Variants in CRACDL observed in about 807,000 individuals in gnomAD.
The protein encoded by CRACDL is CRACD like, also known as CRACD-like protein.
In CRACDL, 26 loss-of-function variants were observed where a neutral mutation model predicts 70.6. That is an observed-to-expected ratio of 0.37 (90% CI 0.27 to 0.51). The LOEUF (loss-of-function observed/expected upper bound fraction) is 0.51, where lower values mean the gene tolerates loss of function less well. CRACDL is among the 20% of genes least tolerant of loss of function. The probability of loss-of-function intolerance (pLI) is 0.94; values close to 1 mark genes in which losing one functional copy is unlikely to be tolerated. For synonymous variants in CRACDL, 618 were observed against 615.2 expected, an observed-to-expected ratio of 1.00 and a Z score of -0.07; for missense variants, 1,283 against 1,376.9, an observed-to-expected ratio of 0.93 and a Z score of 1.08.
At chr2:98,925,736 C>T (rs1437921758) in intron 1 of CRACDL, among the ~76,000 whole-genome samples, 1 of 152,138 alleles carries the variant, frequency 6.6e-6, no homozygotes, top group Non-Finnish European at 1.5e-5. Context: ...TTATAAAATA[C>T]ACAGGGTGAC....
intron 7 of CRACDL, among the ~76,000 whole-genome samples, chr2:98,807,141 T>C (rs563378465): frequency 6.6e-6 from 1 of 152,268 alleles, no homozygotes; most frequent in Non-Finnish European, 1.5e-5. Flanking sequence ...CAGAGTCTTA[T>C]GGAACAAAGT....
At chr2:98,885,896 A>G (rs1707786653) in intron 1 of CRACDL, among the ~76,000 whole-genome samples, 1 of 147,328 alleles carries the variant, frequency 6.8e-6, no homozygotes, top group South Asian at 2.1e-4. Context: ...TCTCTCCCCC[A>G]TGAAAATAAT....
chr2:98,867,015 C>A (rs985947117), intron 1 of CRACDL, among the ~76,000 whole-genome samples: 1 of 152,116 alleles, frequency 6.6e-6, no homozygotes, highest in Non-Finnish European at 1.5e-5. Flanking sequence ...GCAGAGGAGG[C>A]CCCTGCTTAG....
At chr2:98,824,817 A>G (rs1195490398) in intron 6 of CRACDL, among the ~76,000 whole-genome samples, 1 of 152,222 alleles carries the variant, frequency 6.6e-6, no homozygotes, top group Admixed American at 6.5e-5. Flanking sequence ...TCTTGCCAAA[A>G]TGCACAATCC....
intron 1 of CRACDL, among the ~76,000 whole-genome samples, chr2:98,852,118 C>A (rs1402906332): frequency 6.6e-6 from 1 of 151,980 alleles, no homozygotes; most frequent in African/African-American, 2.4e-5. Flanking sequence ...GCTGCCAGAG[C>A]AGATGGAAAC....
intron 7 of CRACDL, among the ~76,000 whole-genome samples, chr2:98,812,961 T>G (rs1300405494): frequency 6.6e-6 from 1 of 152,238 alleles, no homozygotes; most frequent in Non-Finnish European, 1.5e-5. Context: ...TATTTTCTCA[T>G]ATTTTTTTCT....
intron 1 of CRACDL, among the ~76,000 whole-genome samples, chr2:98,906,540 G>A (rs1708420267): frequency 8.3e-6 from 1 of 120,630 alleles, no homozygotes; most frequent in Admixed American, 1.0e-4. Context: ...GGGATTACAG[G>A]CGTGAGCCAT....
chr2:98,906,647 C>T (rs1219750746), intron 1 of CRACDL, among the ~76,000 whole-genome samples: 1 of 152,232 alleles, frequency 6.6e-6, no homozygotes, highest in African/African-American at 2.4e-5. Context: ...TGCCACTTCT[C>T]TGCTGAAATT....
chr2:98,833,103 C>T, intron 3 of CRACDL, 106 bp from the exon 4 acceptor site: 1 of 1,022,378 alleles, frequency 9.8e-7, no homozygotes, highest in Non-Finnish European at 1.4e-6. Context: ...CATCAAACAA[C>T]ACTCCCTCTG....
chr2:98,845,951 C>T (rs1032548400), intron 2 of CRACDL, among the ~76,000 whole-genome samples: 1 of 152,146 alleles, frequency 6.6e-6, no homozygotes, highest in Non-Finnish European at 1.5e-5. Context: ...AAGCTAGTGG[C>T]TAGCAGCTAG....
At chr2:98,804,047 C>T (rs1704191458) in intron 7 of CRACDL, among the ~76,000 whole-genome samples, 1 of 152,208 alleles carries the variant, frequency 6.6e-6, no homozygotes, top group Non-Finnish European at 1.5e-5. Context: ...TCAGTCTTGA[C>T]TCACAGGCTG....
At chr2:98,798,098 C>T (rs1288151957) in intron 7 of CRACDL, among the ~76,000 whole-genome samples, 1 of 152,170 alleles carries the variant, frequency 6.6e-6, no homozygotes, top group African/African-American at 2.4e-5. Flanking sequence ...AATCCCAACT[C>T]TCTGGAAGGC....
intron 1 of CRACDL, among the ~76,000 whole-genome samples, chr2:98,893,725 A>C (rs1275094823): frequency 6.6e-6 from 1 of 152,172 alleles, no homozygotes; most frequent in African/African-American, 2.4e-5. Flanking sequence ...CAATTACATC[A>C]TGTAATTAAG....
chr2:98,846,636 T>A, intron 2 of CRACDL, 95 bp downstream of exon 2: 1 of 1,016,046 alleles, frequency 9.8e-7, no homozygotes, highest in East Asian at 2.4e-5. Flanking sequence ...CCACTTTTCA[T>A]ACAGAAAGCC....
intron 7 of CRACDL, among the ~76,000 whole-genome samples, chr2:98,799,972 A>C (rs1172394796): frequency 6.6e-6 from 1 of 152,104 alleles, no homozygotes; most frequent in African/African-American, 2.4e-5. Flanking sequence ...GCTTCCTCCC[A>C]GCATTCTCTC....
rs552367169 is a variant in CRACDL at position 98,820,210 on chromosome 2, T to G, written c.2416+1647A>C. Among the ~76,000 whole-genome samples the G allele has an allele frequency of 1.4e-4, 21 of 152,174 alleles. No homozygotes were observed. In the East Asian group the frequency reaches 3.5e-3, roughly 25 times the overall value. ...ACAACTTATTTGTGTAGTTTCATTT[T>G]CTGGTTCACAGATTTCCATTAATTT... On this transcript the variant is annotated intron_variant, in intron 7 of 9. Transcript: ENST00000397899.
intron 1 of CRACDL, among the ~76,000 whole-genome samples, chr2:98,885,364 T>G (rs1026040316): frequency 6.6e-5 from 10 of 152,156 alleles, no homozygotes; most frequent in African/African-American, 2.4e-4. Context: ...GGGGAGGATG[T>G]TGGTGGGAAA....
At chr2:98,845,098 T>C (rs1364019835) in intron 2 of CRACDL, among the ~76,000 whole-genome samples, 1 of 152,164 alleles carries the variant, frequency 6.6e-6, no homozygotes, top group Non-Finnish European at 1.5e-5. Context: ...CATGAAGACA[T>C]GAAAATTTCC....
At chr2:98,916,136 G>A (rs1044072414) in intron 1 of CRACDL, among the ~76,000 whole-genome samples, 2 of 152,336 alleles carry the variant, frequency 1.3e-5, no homozygotes, top group Admixed American at 6.5e-5. Context: ...TAGAAAAACT[G>A]TACTATGCCC....
Sources: allele counts gnomAD v4.1 joint callset (sites outside exome capture counted in the v4.1 genomes callset), GRCh38; gene constraint gnomAD v4.1.1; transcripts MANE v1.5; gene names NCBI Gene and HGNC (gene_info 2026-07-23, HGNC 2026-07-21).